NBPF11: variants seen among roughly 807,000 people sequenced by gnomAD.
NBPF11 encodes the protein NBPF member 11.
A neutral mutation model predicts 93.9 loss-of-function variants in NBPF11; 72 were observed. The ratio of observed to expected loss-of-function variants is 0.77; its 90% confidence interval spans 0.63 to 0.93. NBPF11 has a LOEUF of 0.93. Ranked by LOEUF, NBPF11 falls within the 40% of genes least tolerant of loss-of-function variation. The pLI is 0.00. For synonymous variants in NBPF11, 224 were observed against 304.9 expected, an observed-to-expected ratio of 0.73 and a Z score of 2.76; for missense variants, 705 against 802.2, an observed-to-expected ratio of 0.88 and a Z score of 1.46.
intron 1 of NBPF11, among the ~76,000 whole-genome samples, chr1:148,147,494 T>A (rs1403003540): frequency 6.6e-6 from 1 of 151,990 alleles, no homozygotes; most frequent in Non-Finnish European, 1.5e-5. Context: ...TGTGCTTGCC[T>A]GGGCCCTTCA....
At position 148,108,656 on chromosome 1, in the gene NBPF11, T is replaced by G; in HGVS notation, c.1854-2A>C. 2 of 1,018,300 alleles carry G rather than the reference T, an allele frequency of 2.0e-6. No individual in the cohort carries two copies. Among genetic ancestry groups the G allele is most frequent in the Non-Finnish European group, 3.1e-6 (2 of 639,148 alleles). The allele number at this position is 1,018,300 out of a possible 1,614,324, so 63.1% of individuals were successfully genotyped here. On this transcript the variant is annotated splice_acceptor_variant, in intron 17 of 23. Transcript: ENST00000682118. LOFTEE classifies it high-confidence loss of function. ...TCATCCAGCAGCTCCCTGCTGAGCC[T>G]GGAAAAGTGGGAAAAAGTAAAGAAT... is the stretch of plus-strand genomic sequence containing the variant.
chr1:148,110,251 T>C, intron 16 of NBPF11, 127 bp downstream of exon 16: 3 of 1,170,172 alleles, frequency 2.6e-6, no homozygotes, highest in Non-Finnish European at 3.8e-6. Context: ...GAAATCTACA[T>C]TGATATATAG....
At chr1:148,127,737 G>A (rs1181729882) in intron 4 of NBPF11, among the ~76,000 whole-genome samples, 11 of 143,972 alleles carry the variant, frequency 7.6e-5, no homozygotes, top group African/African-American at 2.8e-4. Context: ...CTGCCTCCCA[G>A]GTTCACGCTA....
intron 2 of NBPF11, among the ~76,000 whole-genome samples, chr1:148,141,886 G>C (rs1267700547): frequency 6.6e-6 from 1 of 151,712 alleles, no homozygotes; most frequent in African/African-American, 2.4e-5. Context: ...GATAAGCAAT[G>C]TAGATTTCAG....
intron 11 of NBPF11, among the ~76,000 whole-genome samples, chr1:148,118,273 A>T (rs1667031752): frequency 6.6e-6 from 1 of 151,800 alleles, no homozygotes; most frequent in Admixed American, 6.6e-5. Flanking sequence ...GTCAGTCAGG[A>T]GGTGATTCTC....
chr1:148,148,803 G>T (rs1341905441), intron 1 of NBPF11, among the ~76,000 whole-genome samples: 1 of 151,896 alleles, frequency 6.6e-6, no homozygotes, highest in African/African-American at 2.4e-5. Flanking sequence ...CAGGATGTGG[G>T]GGCCACACAG....
At chr1:148,142,987 G>A (rs1672443467) in intron 2 of NBPF11, among the ~76,000 whole-genome samples, 1 of 152,250 alleles carries the variant, frequency 6.6e-6, no homozygotes, top group Admixed American at 6.5e-5. Context: ...CCAGGACAGT[G>A]CAGAGCCTTA....
At chr1:148,150,569 A>G (rs1411993136) in intron 1 of NBPF11, among the ~76,000 whole-genome samples, 1 of 151,972 alleles carries the variant, frequency 6.6e-6, no homozygotes, top group Non-Finnish European at 1.5e-5. Context: ...TTTAAAAACA[A>G]AAAGAAAGCT....
At chr1:148,141,384 G>T (rs1672144343) in intron 2 of NBPF11, among the ~76,000 whole-genome samples, 1 of 152,062 alleles carries the variant, frequency 6.6e-6, no homozygotes, top group African/African-American at 2.4e-5. Flanking sequence ...GGGAAATTGT[G>T]TGCTGGAGGA....
chr1:148,109,437 A>G (rs1664723566), intron 16 of NBPF11, 102 bp from the exon 17 acceptor site: 1 of 860,638 alleles, frequency 1.2e-6, no homozygotes, highest in Admixed American at 1.8e-5. Context: ...CAGTCTTGTC[A>G]GTGTGAAAAC....
rs1366376240 is a variant in NBPF11, at chr1:148,131,118, C to T, written c.-35-4080G>A. On this transcript the variant is annotated intron_variant, in intron 4 of 23. Transcript: ENST00000682118. ...TCACTAACACAGGCCTCCCTAAAAA[C>T]TGTTTCAGTAGCGACTGAGTGGTTC... is the stretch of plus-strand genomic sequence containing the variant. 2.2e-3 allele frequency among the ~76,000 whole-genome samples: 334 copies of T among 149,020 alleles called. 6 individuals are homozygous for T. The highest frequency in any genetic ancestry group is 8.2e-3 in the African/African-American group (327 of 40,002).
chr1:148,112,039 C>T (rs1665407086), intron 15 of NBPF11, among the ~76,000 whole-genome samples: 2 of 146,750 alleles, frequency 1.4e-5, no homozygotes, highest in Non-Finnish European at 3.0e-5. Flanking sequence ...GCCCATCAGA[C>T]TAGCAGCAGA....
intron 12 of NBPF11, among the ~76,000 whole-genome samples, chr1:148,117,097 G>C (rs1345613033): frequency 6.6e-6 from 1 of 151,856 alleles, no homozygotes; most frequent in African/African-American, 2.4e-5. Flanking sequence ...TCTCATTTTG[G>C]AAAGCAGTTG....
chr1:148,151,605 GC>G (rs1648358393), intron 1 of NBPF11, 144 bp downstream of exon 1: 1 of 152,190 alleles, frequency 6.6e-6, no homozygotes, highest in South Asian at 2.1e-4. Context: ...CCCCGGCGGA[GC>G]CCTGCGGAGC....
chr1:148,147,773 G>A (rs1384811834), intron 1 of NBPF11, among the ~76,000 whole-genome samples: 1 of 151,924 alleles, frequency 6.6e-6, no homozygotes, highest in African/African-American at 2.4e-5. Flanking sequence ...CTGGCTCCAG[G>A]GGCCTCCCGG....
At chr1:148,139,081 A>T (rs1671796526) in intron 2 of NBPF11, among the ~76,000 whole-genome samples, 1 of 151,588 alleles carries the variant, frequency 6.6e-6, no homozygotes, top group African/African-American at 2.4e-5. Context: ...AAAGAGAAAT[A>T]ACTCCATCTC....
Position 148,122,763 on chromosome 1 carries a change from C to A in NBPF11, c.532G>T (p.Glu178Ter), listed in dbSNP as rs1465217799. 7 of 1,609,934 alleles carry A rather than the reference C, an allele frequency of 4.3e-6. No individual in the cohort carries two copies. The African/African-American group carries it at 6.7e-5, about 15-fold the overall frequency. The stretch of plus-strand genomic sequence containing the variant: ...GATGATTCCAGTACTTTCTCATCCT[C>A]CTCAACTTGAACATCTTCATCCTCA... Reference protein sequence around the residue: ...EDEDEDVQVEEDEKVLESSAP... With the variant: ...EDEDEDVQVE Residue 178 changes from glutamate to a stop codon, truncating the protein, a stop_gained, in exon 8 of 24, where the codon GAG (glutamate) becomes TAG (stop). Transcript: ENST00000682118. LOFTEE classifies it high-confidence loss of function.
In NBPF11 at chr1:148,138,034, G is replaced by A. The variant is rs1285376171; in HGVS notation, c.-276-225C>T. Among the ~76,000 whole-genome samples, 360 of 151,234 alleles carry A rather than the reference G, an allele frequency of 2.4e-3. 1 individual carries two copies. The highest frequency in any genetic ancestry group is 3.7e-3 in the Non-Finnish European group (253 of 67,912). ...TTATTGATCATTATTGGGCGTTTCC[G>A]GAGAGGGGGATGTGGCAGGACAATA... On this transcript the variant is annotated intron_variant, in intron 2 of 23. Coordinates refer to ENST00000682118, the MANE Select transcript of NBPF11 (RefSeq NM_001385469.3).
intron 2 of NBPF11, among the ~76,000 whole-genome samples, chr1:148,142,232 C>T (rs1672309016): frequency 6.6e-6 from 1 of 151,870 alleles, no homozygotes; most frequent in South Asian, 2.1e-4. Context: ...GGGGAACTTA[C>T]ACCACCAGTA....
Sources: gnomAD v4.1 joint callset for allele counts (sites outside exome capture counted in the v4.1 genomes callset) on GRCh38, gnomAD v4.1.1 for gene constraint, MANE v1.5 for transcripts, NCBI Gene and HGNC (gene_info 2026-07-23, HGNC 2026-07-21) for gene names.